Variants in ADGRL3 observed in about 807,000 individuals in gnomAD.
ADGRL3 encodes adhesion G protein-coupled receptor L3, also known as calcium-independent alpha-latrotoxin receptor 3.
A neutral mutation model predicts 153.5 loss-of-function variants in ADGRL3; 62 were observed. That is an observed-to-expected ratio of 0.40 (90% CI 0.33 to 0.50). The LOEUF is 0.50. ADGRL3 is among the 20% of genes least tolerant of loss of function. ADGRL3 has a pLI of 0.47. For synonymous variants in ADGRL3, 710 were observed against 672.5 expected, an observed-to-expected ratio of 1.06 and a Z score of -0.86; for missense variants, 1,641 against 1,859.4, an observed-to-expected ratio of 0.88 and a Z score of 2.16.
intron 6 of ADGRL3, among the ~76,000 whole-genome samples, chr4:61,725,045 C>T (rs554301981): frequency 8.7e-4 from 133 of 152,190 alleles, no homozygotes; most frequent in African/African-American, 3.1e-3. Context: ...TCATTCTGTC[C>T]CTTTCTTTGA....
intron 1 of ADGRL3, among the ~76,000 whole-genome samples, chr4:61,369,071 A>C (rs1471120786): frequency 1.3e-5 from 2 of 152,150 alleles, no homozygotes; most frequent in Non-Finnish European, 2.9e-5. Flanking sequence ...ATTTGTGCAC[A>C]TTGATTTTGT....
intron 6 of ADGRL3, among the ~76,000 whole-genome samples, chr4:61,726,949 T>G (rs1268520189): frequency 6.6e-6 from 1 of 152,108 alleles, no homozygotes; most frequent in East Asian, 1.9e-4. Context: ...AAGTTCATAG[T>G]TCTTAGTTAT....
chr4:61,795,213 G>A (rs1295594358), intron 8 of ADGRL3, among the ~76,000 whole-genome samples: 1 of 152,016 alleles, frequency 6.6e-6, no homozygotes, highest in Non-Finnish European at 1.5e-5. Flanking sequence ...CTGCAACCTC[G>A]AACTTCTAGG....
intron 5 of ADGRL3, among the ~76,000 whole-genome samples, chr4:61,667,243 A>G (rs1315539794): frequency 6.6e-6 from 1 of 152,118 alleles, no homozygotes; most frequent in Admixed American, 6.6e-5. Context: ...ACATTTTCAA[A>G]CACATTTCTA....
intron 5 of ADGRL3, among the ~76,000 whole-genome samples, chr4:61,635,041 C>T (rs1560970748): frequency 1.3e-5 from 2 of 152,062 alleles, no homozygotes; most frequent in Non-Finnish European, 1.5e-5. Flanking sequence ...AAGGAGCAGG[C>T]GTACTGAGTC....
chr4:61,515,918 G>C (rs771327903), intron 3 of ADGRL3, among the ~76,000 whole-genome samples: 1 of 152,004 alleles, frequency 6.6e-6, no homozygotes, highest in African/African-American at 2.4e-5. Context: ...GTTGATTTTC[G>C]CAGCTTTTTG....
chr4:61,258,672 G>A (rs1270017899), intron 1 of ADGRL3, among the ~76,000 whole-genome samples: 2 of 152,134 alleles, frequency 1.3e-5, no homozygotes, highest in Non-Finnish European at 2.9e-5. Flanking sequence ...AATTATTATT[G>A]ACACTTCTAA....
intron 5 of ADGRL3, among the ~76,000 whole-genome samples, chr4:61,664,985 A>G (rs1477921319): frequency 6.6e-6 from 1 of 152,232 alleles, no homozygotes; most frequent in Non-Finnish European, 1.5e-5. Flanking sequence ...ATGATCGTGT[A>G]AACATCATTC....
intron 2 of ADGRL3, among the ~76,000 whole-genome samples, chr4:61,459,426 T>C (rs1488145402): frequency 6.6e-6 from 1 of 151,992 alleles, no homozygotes; most frequent in Non-Finnish European, 1.5e-5. Flanking sequence ...GCATTTACTA[T>C]ATCTACCACA....
chr4:61,336,663 C>T (rs1300961879), intron 1 of ADGRL3, among the ~76,000 whole-genome samples: 3 of 151,938 alleles, frequency 2.0e-5, no homozygotes, highest in African/African-American at 4.8e-5. Flanking sequence ...GTCAACCTGC[C>T]AGCCCTCTCT....
At chr4:61,693,251 A>G (rs2151164997) in intron 6 of ADGRL3, among the ~76,000 whole-genome samples, 1 of 152,192 alleles carries the variant, frequency 6.6e-6, no homozygotes, top group Admixed American at 6.5e-5. Context: ...ACAATTATTT[A>G]TTTAGTTTCC....
intron 25 of ADGRL3, among the ~76,000 whole-genome samples, chr4:62,064,838 G>A (rs2151892766): frequency 6.6e-6 from 1 of 152,084 alleles, no homozygotes; most frequent in East Asian, 1.9e-4. Flanking sequence ...TGCGGAGGAT[G>A]ATTTTACATT....
chr4:61,350,227 A>G (rs2096012880), intron 1 of ADGRL3, among the ~76,000 whole-genome samples: 2 of 152,144 alleles, frequency 1.3e-5, no homozygotes, highest in Non-Finnish European at 2.9e-5. Context: ...TTCAGTTAAT[A>G]TAGTACAGTC....
At chr4:61,772,272 T>C (rs544450417) in intron 8 of ADGRL3, among the ~76,000 whole-genome samples, 118 of 152,250 alleles carry the variant, frequency 7.8e-4, no homozygotes, top group African/African-American at 2.7e-3. Context: ...CCACTGCAGG[T>C]AGAGATCCAG....
chr4:61,965,644 G>A (rs191016618), intron 17 of ADGRL3, among the ~76,000 whole-genome samples: 22 of 152,044 alleles, frequency 1.4e-4, no homozygotes, highest in Admixed American at 1.3e-3. Flanking sequence ...CCAGCTACTC[G>A]GGAGGCTGAG....
chr4:61,215,470 T>C (rs546337345), intron 1 of ADGRL3, among the ~76,000 whole-genome samples: 38 of 152,168 alleles, frequency 2.5e-4, no homozygotes, highest in African/African-American at 7.7e-4. Flanking sequence ...AAAAATATAT[T>C]GTCAAGAGTT....
At chr4:62,067,146 T>A (rs1050545911) in intron 25 of ADGRL3, among the ~76,000 whole-genome samples, 3 of 152,124 alleles carry the variant, frequency 2.0e-5, no homozygotes, top group African/African-American at 7.2e-5. Context: ...ATGTTGTTGA[T>A]CTTTCTGCTG....
At chr4:61,280,141 G>T (rs1219346486) in intron 1 of ADGRL3, among the ~76,000 whole-genome samples, 1 of 120,786 alleles carries the variant, frequency 8.3e-6, no homozygotes, top group African/African-American at 3.2e-5. Context: ...ACCGAGTCTC[G>T]CTCTGTTGCC....
At chr4:62,007,462 A>ATG (rs202148583) in intron 21 of ADGRL3, among the ~76,000 whole-genome samples, 1,627 of 132,794 alleles carry the variant, frequency 0.012, 46 homozygotes, top group African/African-American at 0.043. Context: ...ATATACATAT[A>ATG]TGTGTGTGTA....
Sources: allele counts gnomAD v4.1 joint callset (sites outside exome capture counted in the v4.1 genomes callset), GRCh38; gene constraint gnomAD v4.1.1; transcripts MANE v1.5; gene names NCBI Gene and HGNC (gene_info 2026-07-23, HGNC 2026-07-21).